The following PTCHD4 variants were observed in gnomAD, a reference collection of about 807,000 sequenced individuals.
PTCHD4 encodes patched domain-containing protein 4.
In PTCHD4, 33 loss-of-function variants were observed where a neutral mutation model predicts 58.1. That is an observed-to-expected ratio of 0.57 (90% confidence interval 0.43 to 0.76). The LOEUF (loss-of-function observed/expected upper bound fraction) is 0.76, where lower values mean the gene tolerates loss of function less well. Ranked by LOEUF, PTCHD4 falls within the 30% of genes least tolerant of loss-of-function variation. The pLI is 0.00. For synonymous variants in PTCHD4, 478 were observed against 409.6 expected (o/e 1.17, Z -2.02); for missense variants, 1,058 against 1,027.1 (o/e 1.03, Z -0.41).
intron 3 of PTCHD4, among the ~76,000 whole-genome samples, chr6:48,046,678 G>A (rs1764046728): frequency 6.6e-6 from 1 of 151,692 alleles, no homozygotes; most frequent in Non-Finnish European, 1.5e-5. Context: ...AGGTCCTGCA[G>A]TTTGTTTAAT....
intron 4 of PTCHD4, among the ~76,000 whole-genome samples, chr6:48,000,700 C>A (rs1468198276): frequency 6.6e-6 from 1 of 152,174 alleles, no homozygotes; most frequent in Non-Finnish European, 1.5e-5. Flanking sequence ...ACTGAGTTAT[C>A]TGGATCTGTC....
intron 4 of PTCHD4, among the ~76,000 whole-genome samples, chr6:47,915,079 G>A (rs1765202216): frequency 6.6e-6 from 1 of 152,010 alleles, no homozygotes; most frequent in Admixed American, 6.6e-5. Flanking sequence ...CATATTGAAA[G>A]GTCTACAGTG....
At chr6:47,915,997 T>A (rs550281404) in intron 4 of PTCHD4, among the ~76,000 whole-genome samples, 1 of 152,204 alleles carries the variant, frequency 6.6e-6, no homozygotes, top group South Asian at 2.1e-4. Context: ...TATCATCCAG[T>A]GCATGGTGAG....
intron 3 of PTCHD4, among the ~76,000 whole-genome samples, chr6:48,017,348 C>G (rs1192036360): frequency 6.6e-6 from 1 of 151,916 alleles, no homozygotes; most frequent in African/African-American, 2.4e-5. Flanking sequence ...GACTTTAAAG[C>G]ATTAACATGC....
At chr6:48,012,419 A>G (rs530427228) in intron 3 of PTCHD4, among the ~76,000 whole-genome samples, 4 of 151,776 alleles carry the variant, frequency 2.6e-5, no homozygotes, top group African/African-American at 4.8e-5. Flanking sequence ...TTGCACATTG[A>G]TTTTGTATCC....
chr6:48,017,146 A>G (rs1475305901), intron 3 of PTCHD4, among the ~76,000 whole-genome samples: 2 of 152,120 alleles, frequency 1.3e-5, no homozygotes, highest in African/African-American at 4.8e-5. Flanking sequence ...TTATTTTCTA[A>G]CTTATATATC....
intron 1 of PTCHD4, among the ~76,000 whole-genome samples, chr6:48,099,650 C>T (rs550566363): frequency 3.3e-5 from 5 of 152,240 alleles, no homozygotes; most frequent in African/African-American, 4.8e-5. Flanking sequence ...GAAATAATTA[C>T]GATATGAGGT....
Position 47,869,194 on chromosome 6 carries a change from T to C in PTCHD4, c.*9109A>G, listed in dbSNP as rs543541826. 1.3e-5 allele frequency among the ~76,000 whole-genome samples: 2 copies of C among 151,752 alleles called. No homozygotes were observed. Among genetic ancestry groups the C allele is most frequent in the South Asian group, 2.1e-4 (1 of 4,832 alleles). On this transcript the variant is annotated 3_prime_UTR_variant, in exon 5 of 5. Transcript: ENST00000339488. The stretch of plus-strand genomic sequence containing the variant: ...TACAGTGGACTTGGATATTGAAATA[T>C]TTAACATGATTGGTTTTAGTGACTT...
At chr6:47,901,490 T>A in intron 4 of PTCHD4, 1 of 980,080 alleles carries the variant, frequency 1.0e-6, no homozygotes, top group Non-Finnish European at 1.2e-6. Context: ...CTAAACTTCA[T>A]CAGTCAGTAT....
At chr6:47,902,810 A>C (rs1483386191) in intron 4 of PTCHD4, among the ~76,000 whole-genome samples, 3 of 152,196 alleles carry the variant, frequency 2.0e-5, no homozygotes, top group Non-Finnish European at 2.9e-5. Context: ...AATATTAAAA[A>C]TTTTGATGTT....
chr6:47,896,037 GT>G (rs1764518963), intron 4 of PTCHD4, among the ~76,000 whole-genome samples: 1 of 152,140 alleles, frequency 6.6e-6, no homozygotes, highest in Admixed American at 6.5e-5. Flanking sequence ...GTGCTAAGAT[GT>G]TTTGTAGATA....
At chr6:48,076,959 T>C (rs1765073792) in intron 1 of PTCHD4, among the ~76,000 whole-genome samples, 1 of 152,200 alleles carries the variant, frequency 6.6e-6, no homozygotes, top group Admixed American at 6.5e-5. Flanking sequence ...ACTATTAAGT[T>C]AGGTTTTCAA....
At chr6:48,105,320 A>G (rs980408911) in intron 1 of PTCHD4, among the ~76,000 whole-genome samples, 1 of 152,108 alleles carries the variant, frequency 6.6e-6, no homozygotes, top group Non-Finnish European at 1.5e-5. Context: ...GCTCAACTAC[A>G]TGGAAACTGA....
At chr6:48,021,847 C>A (rs1194461283) in intron 3 of PTCHD4, among the ~76,000 whole-genome samples, 1 of 152,042 alleles carries the variant, frequency 6.6e-6, no homozygotes, top group African/African-American at 2.4e-5. Flanking sequence ...TACTGTTGTT[C>A]TCTGTGTATC....
At chr6:48,050,662 G>A (rs943629290) in intron 3 of PTCHD4, among the ~76,000 whole-genome samples, 4 of 152,084 alleles carry the variant, frequency 2.6e-5, no homozygotes, top group African/African-American at 7.2e-5. Flanking sequence ...ATGACATGGA[G>A]CATTTGGTCC....
intron 3 of PTCHD4, among the ~76,000 whole-genome samples, chr6:48,058,240 G>T (rs961257194): frequency 6.6e-6 from 1 of 152,226 alleles, no homozygotes; most frequent in African/African-American, 2.4e-5. Context: ...CTTGTTGGGC[G>T]CTAGCCCCAG....
chr6:48,018,515 C>T (rs987634803), intron 3 of PTCHD4, among the ~76,000 whole-genome samples: 8 of 152,156 alleles, frequency 5.3e-5, no homozygotes, highest in Non-Finnish European at 1.0e-4. Context: ...CATGTGTCTG[C>T]CCTTTCTTTG....
chr6:48,090,057 A>G (rs1472424439), intron 1 of PTCHD4, among the ~76,000 whole-genome samples: 1 of 152,224 alleles, frequency 6.6e-6, no homozygotes, highest in African/African-American at 2.4e-5. Flanking sequence ...GATGTAGACT[A>G]TGCAATATAT....
rs1020296695 is a variant in PTCHD4, at chr6:47,874,317, T to C, written c.*3986A>G. On this transcript the variant is annotated 3_prime_UTR_variant, in exon 5 of 5. Transcript: ENST00000339488. ...AAGACCAAAAGCCATGAGGCATTTA[T>C]GAATAGGTGATGTAAGAAATTTTAA... Among the ~76,000 whole-genome samples, 3 of 151,736 alleles carry C rather than the reference T, an allele frequency of 2.0e-5. No homozygotes were observed. Among genetic ancestry groups the C allele is most frequent in the African/African-American group, 7.2e-5 (3 of 41,388 alleles).
Sources: gnomAD v4.1 joint callset for allele counts (sites outside exome capture counted in the v4.1 genomes callset) on GRCh38, gnomAD v4.1.1 for gene constraint, MANE v1.5 for transcripts, NCBI Gene and HGNC (gene_info 2026-07-23, HGNC 2026-07-21) for gene names.